Variants in PADI6 observed in about 807,000 individuals in gnomAD.
PADI6 encodes the protein peptidyl arginine deiminase 6.
Under a neutral mutation model 78.2 loss-of-function variants are expected in PADI6, and 66 were observed. That is an observed-to-expected ratio of 0.84 (90% CI 0.69 to 1.04). The LOEUF is 1.04. Among genes scored for constraint, PADI6 ranks in the 50% least tolerant of loss-of-function variants. The pLI is 0.00. For missense variants in PADI6, 854 were observed against 866.1 expected, an observed-to-expected ratio of 0.99 and a Z score of 0.18; for synonymous variants, 397 against 346.9, an observed-to-expected ratio of 1.14 and a Z score of -1.60.
At chr1:17,383,635 G>A (rs1179888347) in intron 6 of PADI6, among the ~76,000 whole-genome samples, 2 of 152,234 alleles carry the variant, frequency 1.3e-5, no homozygotes, top group East Asian at 1.9e-4. Context: ...ATCACCTGAG[G>A]TCAGGAGTTC....
At chr1:17,379,789 A>C (rs1324360751) in intron 3 of PADI6, 131 bp from the exon 4 acceptor site, 1 of 701,594 alleles carries the variant, frequency 1.4e-6, no homozygotes, top group Non-Finnish European at 2.4e-6. Flanking sequence ...TCTGCTTCTA[A>C]GCTGATAGCA....
At chr1:17,395,440 A>G (rs892479659) in intron 12 of PADI6, 100 bp from the exon 13 acceptor site, 34 of 1,428,766 alleles carry the variant, frequency 2.4e-5, no homozygotes, top group Non-Finnish European at 3.2e-5. Flanking sequence ...CTGACCTCAG[A>G]GGATCTGCCT....
chr1:17,392,912 G>C (rs766687847), intron 9 of PADI6, among the ~76,000 whole-genome samples: 6 of 152,154 alleles, frequency 3.9e-5, no homozygotes, highest in Non-Finnish European at 8.8e-5. Flanking sequence ...CCAACACATT[G>C]GGAGGCTGAT....
rs1286936080 is a variant in PADI6, at chr1:17,388,479, G to C, written c.778G>C (p.Glu260Gln). The C allele has an allele frequency of 6.2e-7, 1 of 1,613,558 alleles. No homozygotes were observed. Among genetic ancestry groups the C allele is most frequent in the African/African-American group, 1.3e-5 (1 of 74,912 alleles). Reference protein sequence around the residue: ...GNHLKETFYVEAIAFPSAEFS... With the variant: ...GNHLKETFYVQAIAFPSAEFS... ...CCACTTGAAGGAGACTTTCTACGTT[G>C]AAGCTATAGCATTCCCATCTGCCGA... Residue 260 changes from glutamate to glutamine, a missense_variant, in exon 7 of 16, where the codon GAA becomes CAA. By Grantham distance (29) the Glu-to-Gln change is conservative. Coordinates refer to ENST00000619609, the MANE Select transcript of PADI6 (RefSeq NM_207421.4).
At chr1:17,388,094 A>G (rs1054980010) in intron 6 of PADI6, among the ~76,000 whole-genome samples, 2 of 152,318 alleles carry the variant, frequency 1.3e-5, no homozygotes, top group East Asian at 1.9e-4. Context: ...GAGGCTTCAC[A>G]CCAGTCAGGA....
chr1:17,401,617 A>C lies in PADI6; in HGVS notation c.*179A>C. 1 of 624,490 alleles carries C rather than the reference A, an allele frequency of 1.6e-6. No homozygotes were observed. The highest frequency in any genetic ancestry group is 3.0e-5 in the Admixed American group (1 of 33,264). The allele number at this position is 624,490 out of a possible 1,614,324, so 38.7% of individuals were successfully genotyped here. A position where few individuals can be genotyped will look rare whatever the true frequency, so the allele number is the denominator to read the frequency against. ...AGGATGGCAAATGCCGCCAGCTTGA[A>C]CCCCTATGGGGAAAAGATGCAAAAG... On this transcript the variant is annotated 3_prime_UTR_variant, in exon 16 of 16. Transcript: ENST00000619609.
intron 2 of PADI6, among the ~76,000 whole-genome samples, chr1:17,373,479 T>G (rs189937959): frequency 1.1e-3 from 166 of 150,226 alleles, no homozygotes; most frequent in Non-Finnish European, 2.1e-3. Context: ...GGGATTTATT[T>G]TTTATTTTCA....
At chr1:17,377,752 C>G (rs1263376657) in intron 3 of PADI6, among the ~76,000 whole-genome samples, 1 of 152,150 alleles carries the variant, frequency 6.6e-6, no homozygotes, top group Non-Finnish European at 1.5e-5. Flanking sequence ...GGCTCGAGCC[C>G]CCATCCTCTC....
intron 6 of PADI6, among the ~76,000 whole-genome samples, chr1:17,385,713 C>T (rs984946021): frequency 6.1e-5 from 9 of 147,994 alleles, no homozygotes; most frequent in African/African-American, 1.2e-4. Context: ...GAACAATCCA[C>T]GAAGGATGGA....
At chr1:17,395,470 TG>T in intron 12 of PADI6, 69 bp from the exon 13 acceptor site, 1 of 1,520,756 alleles carries the variant, frequency 6.6e-7, no homozygotes. Context: ...TCCAAAGTGC[TG>T]GGATTACAGA....
Position 17,383,078 on chromosome 1 carries a change from C to T in PADI6, c.679+986C>T, listed in dbSNP as rs140485374. On this transcript the variant is annotated intron_variant, in intron 6 of 15. Coordinates refer to ENST00000619609, the MANE Select transcript of PADI6 (RefSeq NM_207421.4). Reference sequence around the variant, plus strand: ...GATTACAGGTGTGAGCTACTGCACCCGGCCCAACCTGCCACCTTGTCTTGT... The same window carrying T: ...GATTACAGGTGTGAGCTACTGCACCTGGCCCAACCTGCCACCTTGTCTTGT... Among the ~76,000 whole-genome samples the T allele has an allele frequency of 4.3e-4, 66 of 152,334 alleles. 2 individuals are homozygous for T. In the East Asian group the frequency reaches 7.3e-3, roughly 17 times the overall value.
At chr1:17,374,762 G>A (rs74058749) in intron 2 of PADI6, among the ~76,000 whole-genome samples, 4,294 of 152,294 alleles carry the variant, frequency 0.028, 225 homozygotes, top group African/African-American at 0.096. Context: ...CTTGAACTTA[G>A]AGGACTAAAG....
chr1:17,375,676 T>A (rs904547024), intron 3 of PADI6, among the ~76,000 whole-genome samples, 177 bp downstream of exon 3: 5 of 152,150 alleles, frequency 3.3e-5, no homozygotes, highest in African/African-American at 1.2e-4. Flanking sequence ...ACTCACACAC[T>A]CCCTCCTCGA....
In PADI6 at chr1:17,401,446, CCCT is replaced by C; in HGVS notation, c.*9_*11del. On this transcript the variant is annotated 3_prime_UTR_variant, in exon 16 of 16. Transcript: ENST00000619609. Reference sequence around the variant, plus strand: ...TGGAAGATGGTACCTTAGACCCAGGCCCTGGAGCTGCCAGCTCTGCCCCAGCGT... The same window carrying C: ...TGGAAGATGGTACCTTAGACCCAGGCGGAGCTGCCAGCTCTGCCCCAGCGT... 1 of 1,610,838 alleles carries C rather than the reference CCCT, an allele frequency of 6.2e-7. No individual in the cohort carries two copies. The highest frequency in any genetic ancestry group is 8.5e-7 in the Non-Finnish European group (1 of 1,177,580).
chr1:17,401,096 G>A, intron 15 of PADI6, 109 bp from the exon 16 acceptor site: 4 of 931,936 alleles, frequency 4.3e-6, no homozygotes, highest in Non-Finnish European at 6.5e-6. Flanking sequence ...CCTGGAGGAG[G>A]CGGCTGCCTG....
At chr1:17,391,529 G>A (rs1355902924) in intron 8 of PADI6, among the ~76,000 whole-genome samples, 1 of 152,184 alleles carries the variant, frequency 6.6e-6, no homozygotes, top group Non-Finnish European at 1.5e-5. Flanking sequence ...CAGATGAGTG[G>A]TCTTAACATC....
intron 3 of PADI6, among the ~76,000 whole-genome samples, chr1:17,378,609 T>G (rs920136260): frequency 6.6e-6 from 1 of 152,110 alleles, no homozygotes; most frequent in African/African-American, 2.4e-5. Context: ...TTTTTTTGTT[T>G]GTTTTTGTTT....
Position 17,394,101 on chromosome 1 carries a change from C to T in PADI6, c.1182+19C>T, listed in dbSNP as rs779618404. 1 of 1,605,380 alleles carries T rather than the reference C, an allele frequency of 6.2e-7. No individual in the cohort carries two copies. Among genetic ancestry groups the T allele is most frequent in the East Asian group, 2.2e-5 (1 of 44,820 alleles). Reference sequence around the variant, plus strand: ...CTCACTGGTGTGGAACTTGGTTTGGCTAATCTGAGCTCAGTCCAATCTCTC... The same window carrying T: ...CTCACTGGTGTGGAACTTGGTTTGGTTAATCTGAGCTCAGTCCAATCTCTC... On this transcript the variant is annotated intron_variant, in intron 10 of 15. Transcript: ENST00000619609.
chr1:17,375,367 C>G, intron 2 of PADI6, 60 bp from the exon 3 acceptor site: 3 of 1,469,050 alleles, frequency 2.0e-6, no homozygotes, highest in Non-Finnish European at 2.8e-6. Flanking sequence ...TGGCCTGGGG[C>G]TCTGTTCCTG....
Sources: allele counts gnomAD v4.1 joint callset (sites outside exome capture counted in the v4.1 genomes callset), GRCh38; gene constraint gnomAD v4.1.1; transcripts MANE v1.5; gene names NCBI Gene and HGNC (gene_info 2026-07-23, HGNC 2026-07-21).